Variants in BNC2 observed in about 807,000 individuals in gnomAD.
BNC2 encodes the protein zinc finger protein basonuclin-2.
In BNC2, 20 loss-of-function variants were observed where a neutral mutation model predicts 76.3. That is an observed-to-expected ratio of 0.26 (90% CI 0.18 to 0.38). BNC2 has a LOEUF of 0.38. Among genes scored for constraint, BNC2 ranks in the 10% least tolerant of loss-of-function variants. The pLI is 1.00. For synonymous variants in BNC2, 582 were observed against 514.8 expected (o/e 1.13, Z -1.77); for missense variants, 1,382 against 1,399.8 (o/e 0.99, Z 0.20).
intron 1 of BNC2, among the ~76,000 whole-genome samples, chr9:16,864,468 G>A (rs565002143): frequency 4.6e-5 from 7 of 152,242 alleles, no homozygotes; most frequent in African/African-American, 7.2e-5. Flanking sequence ...ATGAAGTTTG[G>A]ATGAAAACAA....
At chr9:16,500,646 A>C (rs147379737) in intron 5 of BNC2, among the ~76,000 whole-genome samples, 6 of 152,300 alleles carry the variant, frequency 3.9e-5, no homozygotes, top group Non-Finnish European at 7.4e-5. Flanking sequence ...AATTTTGGCC[A>C]AAGAATTTAG....
intron 1 of BNC2, among the ~76,000 whole-genome samples, chr9:16,845,942 G>A (rs892475749): frequency 1.3e-5 from 2 of 152,002 alleles, no homozygotes; most frequent in East Asian, 3.9e-4. Flanking sequence ...GAGGTCAGGA[G>A]ATTGAGACCA....
At chr9:16,846,741 T>C (rs1818991842) in intron 1 of BNC2, among the ~76,000 whole-genome samples, 1 of 152,226 alleles carries the variant, frequency 6.6e-6, no homozygotes, top group Non-Finnish European at 1.5e-5. Context: ...AAGCCCCAAA[T>C]TATTTTAGAC....
chr9:16,570,836 A>G (rs1445345236), intron 4 of BNC2, among the ~76,000 whole-genome samples: 2 of 152,176 alleles, frequency 1.3e-5, no homozygotes, highest in Non-Finnish European at 2.9e-5. Context: ...TTATACCATC[A>G]CACATATTTA....
At chr9:16,739,055 C>G (rs1006533781) in intron 1 of BNC2, among the ~76,000 whole-genome samples, 1 of 151,472 alleles carries the variant, frequency 6.6e-6, no homozygotes, top group Non-Finnish European at 1.5e-5. Flanking sequence ...GCTTCTACAC[C>G]GAGGCACTCT....
intron 3 of BNC2, among the ~76,000 whole-genome samples, chr9:16,670,983 G>A (rs970257393): frequency 2.0e-5 from 3 of 152,086 alleles, no homozygotes; most frequent in African/African-American, 4.8e-5. Context: ...CTGACAACCT[G>A]AAGACGCACA....
Position 16,810,276 on chromosome 9 carries a change from G to A in BNC2, c.3+60370C>T, listed in dbSNP as rs148590768. ...CCACAAGACAGCATATTTTCTCCCC[G>A]TTCATTTACCTTGGCAGGGGTGGGG... On this transcript the variant is annotated intron_variant, in intron 1 of 6. Coordinates refer to ENST00000380672, the MANE Select transcript of BNC2 (RefSeq NM_017637.6). 3.2e-4 allele frequency among the ~76,000 whole-genome samples: 49 copies of A among 152,200 alleles called. No individual in the cohort carries two copies. The South Asian group carries it at 8.1e-3, about 25-fold the overall frequency.
At chr9:16,458,705 T>C (rs963136502) in intron 5 of BNC2, among the ~76,000 whole-genome samples, 2 of 152,224 alleles carry the variant, frequency 1.3e-5, no homozygotes, top group Non-Finnish European at 2.9e-5. Context: ...TAAATATGTA[T>C]TACAGAAAGG....
chr9:16,865,323 G>A (rs77332323), intron 1 of BNC2, among the ~76,000 whole-genome samples: 1 of 152,116 alleles, frequency 6.6e-6, no homozygotes, highest in African/African-American at 2.4e-5. Flanking sequence ...CCTTATGGAA[G>A]AATTCCTGAT....
chr9:16,482,809 G>A (rs1036679907), intron 5 of BNC2, among the ~76,000 whole-genome samples: 9 of 152,096 alleles, frequency 5.9e-5, no homozygotes, highest in Non-Finnish European at 1.3e-4. Flanking sequence ...GACCAGACTG[G>A]GGTCTCAGAG....
intron 5 of BNC2, among the ~76,000 whole-genome samples, chr9:16,472,075 T>C (rs1293233295): frequency 1.3e-5 from 2 of 152,206 alleles, no homozygotes; most frequent in African/African-American, 2.4e-5. Flanking sequence ...AAACCTCTTT[T>C]TGTTCCCAGT....
At chr9:16,816,496 A>G (rs1030708636) in intron 1 of BNC2, among the ~76,000 whole-genome samples, 2 of 152,214 alleles carry the variant, frequency 1.3e-5, no homozygotes, top group Middle Eastern at 3.2e-3. Flanking sequence ...CAAACCTCCA[A>G]ATTTTTCTGC....
intron 5 of BNC2, among the ~76,000 whole-genome samples, chr9:16,467,915 T>C (rs1052753420): frequency 2.0e-5 from 3 of 152,082 alleles, no homozygotes; most frequent in Admixed American, 6.6e-5. Context: ...CAGGTTCTTA[T>C]GCTTCAGAAA....
intron 5 of BNC2, among the ~76,000 whole-genome samples, chr9:16,447,611 G>A (rs1821255734): frequency 2.0e-5 from 3 of 151,968 alleles, no homozygotes; most frequent in African/African-American, 4.8e-5. Flanking sequence ...TCAGTGATGT[G>A]ATTACAGTCA....
At chr9:16,690,472 T>TACATACAC (rs1425530074) in intron 3 of BNC2, among the ~76,000 whole-genome samples, 1 of 151,952 alleles carries the variant, frequency 6.6e-6, no homozygotes, top group Non-Finnish European at 1.5e-5. Flanking sequence ...TATACATACA[T>TACATACAC]ACATACATAC....
intron 3 of BNC2, among the ~76,000 whole-genome samples, chr9:16,642,392 T>C (rs1351775334): frequency 6.6e-6 from 1 of 152,204 alleles, no homozygotes; most frequent in Admixed American, 6.5e-5. Context: ...GCATTGCTAC[T>C]CACCCTGGAC....
chr9:16,707,962 G>A (rs1016303197), intron 3 of BNC2, among the ~76,000 whole-genome samples: 3 of 152,068 alleles, frequency 2.0e-5, no homozygotes, highest in African/African-American at 7.2e-5. Flanking sequence ...TATAATCTAA[G>A]TATTCACTAC....
chr9:16,831,876 T>A (rs1251537558), intron 1 of BNC2, among the ~76,000 whole-genome samples: 1 of 152,208 alleles, frequency 6.6e-6, no homozygotes, highest in South Asian at 2.1e-4. Flanking sequence ...GAGCAAATAA[T>A]GGCAATGGTT....
chr9:16,528,273 C>G (rs868386643), intron 5 of BNC2, among the ~76,000 whole-genome samples: 7 of 151,840 alleles, frequency 4.6e-5, no homozygotes, highest in African/African-American at 1.7e-4. Context: ...CTTATTTTTT[C>G]TTGTCATCTC....
Sources: gnomAD v4.1 joint callset for allele counts (sites outside exome capture counted in the v4.1 genomes callset) on GRCh38, gnomAD v4.1.1 for gene constraint, MANE v1.5 for transcripts, NCBI Gene and HGNC (gene_info 2026-07-23, HGNC 2026-07-21) for gene names.